The following NAV3 variants were observed in gnomAD, a reference collection of about 807,000 sequenced individuals.
NAV3 encodes the protein pore membrane and/or filament interacting like protein 1.
NAV3 carries 87 observed loss-of-function variants against 244.7 expected under a neutral mutation model. That is an observed-to-expected ratio of 0.36 (90% CI 0.30 to 0.42). The LOEUF (loss-of-function observed/expected upper bound fraction) is 0.42, where lower values mean the gene tolerates loss of function less well. NAV3 is among the 20% of genes least tolerant of loss of function. NAV3 has a pLI of 1.00. For synonymous variants in NAV3, 1,126 were observed against 1,042.2 expected (o/e 1.08, Z -1.55); for missense variants, 2,663 against 2,893.3 (o/e 0.92, Z 1.83).
chr12:78,165,114 AT>A (rs1419551129), intron 23 of NAV3, among the ~76,000 whole-genome samples: 1 of 152,088 alleles, frequency 6.6e-6, no homozygotes, highest in Non-Finnish European at 1.5e-5. Flanking sequence ...CTTCTTTAAC[AT>A]GAGAAACTTT....
intron 1 of NAV3, among the ~76,000 whole-genome samples, chr12:77,871,313 A>C (rs2136456209): frequency 6.6e-6 from 1 of 152,270 alleles, no homozygotes; most frequent in East Asian, 1.9e-4. Flanking sequence ...TTATACTTTA[A>C]GTTCTGGGAT....
chr12:78,166,728 T>A (rs1281785852), intron 23 of NAV3, among the ~76,000 whole-genome samples: 1 of 151,788 alleles, frequency 6.6e-6, no homozygotes, highest in African/African-American at 2.4e-5. Flanking sequence ...GTTCTACATT[T>A]TATCTTTTTG....
intron 11 of NAV3, among the ~76,000 whole-genome samples, chr12:78,055,148 C>T (rs575372947): frequency 8.5e-4 from 129 of 152,164 alleles, no homozygotes; most frequent in Non-Finnish European, 1.5e-3. Flanking sequence ...TAGTACGTGC[C>T]CACATGTGAC....
At chr12:77,689,174 GA>G (rs1012864612) in intron 2 of NAV3, among the ~76,000 whole-genome samples, 8 of 151,890 alleles carry the variant, frequency 5.3e-5, no homozygotes, top group Non-Finnish European at 8.8e-5. Context: ...ATTTCCTGCT[GA>G]AATTGCCTCT....
chr12:77,973,541 G>T (rs1010412943), intron 5 of NAV3, among the ~76,000 whole-genome samples: 2 of 152,086 alleles, frequency 1.3e-5, no homozygotes, highest in Non-Finnish European at 2.9e-5. Context: ...TTTCTGAACG[G>T]CTTGGCTGTT....
intron 2 of NAV3, among the ~76,000 whole-genome samples, chr12:77,738,990 C>T (rs1243175368): frequency 4.4e-5 from 5 of 114,246 alleles, no homozygotes; most frequent in Admixed American, 4.1e-4. Flanking sequence ...CCAGCATGGG[C>T]GACAGAGCGA....
chr12:78,210,543 A>T lies in NAV3; in HGVS notation c.*26A>T. 6.2e-7 allele frequency: 1 copy of T among 1,601,738 alleles called. No individual in the cohort carries two copies. Among genetic ancestry groups the T allele is most frequent in the Non-Finnish European group, 8.5e-7 (1 of 1,175,906 alleles). On this transcript the variant is annotated 3_prime_UTR_variant, in exon 40 of 40. Coordinates refer to ENST00000397909, the MANE Select transcript of NAV3 (RefSeq NM_001024383.2). The stretch of plus-strand genomic sequence containing the variant: ...AGGGTGAAAAAAGTTAAGGGAAAAG[A>T]CTTTGCTTTTAAAAAAATGTTTCAA...
At chr12:77,992,198 C>T (rs528265404) in intron 5 of NAV3, among the ~76,000 whole-genome samples, 1 of 152,258 alleles carries the variant, frequency 6.6e-6, no homozygotes, top group South Asian at 2.1e-4. Context: ...TAGATACATT[C>T]ATTTCAATTC....
intron 12 of NAV3, among the ~76,000 whole-genome samples, chr12:78,106,943 A>G (rs182179156): frequency 1.3e-5 from 2 of 152,318 alleles, no homozygotes; most frequent in East Asian, 3.9e-4. Flanking sequence ...CACAAATGTC[A>G]CTGACACTGT....
intron 1 of NAV3, among the ~76,000 whole-genome samples, chr12:77,929,491 G>A (rs546086994): frequency 6.6e-6 from 1 of 152,172 alleles, no homozygotes; most frequent in South Asian, 2.1e-4. Flanking sequence ...TATCCACCTT[G>A]AGTCAAATCT....
chr12:78,092,701 T>G (rs771363798), intron 12 of NAV3, among the ~76,000 whole-genome samples: 1 of 151,838 alleles, frequency 6.6e-6, no homozygotes, highest in African/African-American at 2.4e-5. Flanking sequence ...GGGGTTTCAC[T>G]GTGTTAGCCA....
chr12:77,603,734 G>A (rs535991334), intron 2 of NAV3, among the ~76,000 whole-genome samples: 27 of 152,130 alleles, frequency 1.8e-4, no homozygotes, highest in Admixed American at 1.4e-3. Flanking sequence ...TGGGTGGATC[G>A]ATAATGAATT....
chr12:77,907,280 T>C (rs1172062130), intron 1 of NAV3, among the ~76,000 whole-genome samples: 1 of 152,140 alleles, frequency 6.6e-6, no homozygotes, highest in Non-Finnish European at 1.5e-5. Flanking sequence ...GTAACATGTA[T>C]GTATTCCCAA....
chr12:77,884,478 G>T (rs1313090184), intron 1 of NAV3, among the ~76,000 whole-genome samples: 1 of 152,098 alleles, frequency 6.6e-6, no homozygotes, highest in African/African-American at 2.4e-5. Flanking sequence ...CTAAAGGCCT[G>T]AGAATCTGGG....
chr12:77,990,891 T>A (rs980973246), intron 5 of NAV3, among the ~76,000 whole-genome samples: 1 of 152,226 alleles, frequency 6.6e-6, no homozygotes, highest in Non-Finnish European at 1.5e-5. Flanking sequence ...ATTATTGTAT[T>A]TCTGTAATAT....
chr12:78,168,834 G>C lies in NAV3; in HGVS notation c.4949G>C (p.Gly1650Ala), dbSNP rs1172344210. Residue 1650 changes from glycine to alanine, a missense_variant, in exon 24 of 40, where the codon GGA (glycine) becomes GCA (alanine). Gly to Ala is a moderately conservative substitution (Grantham distance 60). This residue lies in a region of NAV3 where 193 missense variants were observed against 200.7 expected (regional missense o/e 0.96). Transcript: ENST00000397909. ...TCTGCTGCCCAGGCGGCTATTCAGG[G>C]AGCACTGAATGGTCCAGACCATCCT... is the stretch of plus-strand genomic sequence containing the variant. ...QNSAAQAAIQ[G>A]ALNGPDHPPK... 1.2e-6 allele frequency: 2 copies of C among 1,610,596 alleles called. No homozygotes were observed. The highest frequency in any genetic ancestry group is 1.7e-6 in the Non-Finnish European group (2 of 1,177,726).
chr12:78,120,955 A>G (rs1955640771), intron 15 of NAV3, among the ~76,000 whole-genome samples: 1 of 152,218 alleles, frequency 6.6e-6, no homozygotes, highest in South Asian at 2.1e-4. Flanking sequence ...AGTAATATTA[A>G]TGCTGCAGAA....
chr12:78,109,041 A>T (rs1350225699), intron 12 of NAV3, among the ~76,000 whole-genome samples: 1 of 152,036 alleles, frequency 6.6e-6, no homozygotes, highest in Non-Finnish European at 1.5e-5. Context: ...CAAGATAAAT[A>T]AAATTGATAA....
At chr12:77,714,895 TACATA>T (rs1415478401) in intron 2 of NAV3, among the ~76,000 whole-genome samples, 1 of 152,216 alleles carries the variant, frequency 6.6e-6, no homozygotes, top group Non-Finnish European at 1.5e-5. Flanking sequence ...CATTTAAAAA[TACATA>T]ACATAATTTT....
Sources: allele counts gnomAD v4.1 joint callset (sites outside exome capture counted in the v4.1 genomes callset), GRCh38; gene constraint gnomAD v4.1.1; regional missense constraint gnomAD v4.1.1; transcripts MANE v1.5; gene names NCBI Gene and HGNC (gene_info 2026-07-23, HGNC 2026-07-21).